Variants in PREX2 observed in about 807,000 individuals in gnomAD.
PREX2 encodes the protein phosphatidylinositol 3,4,5-trisphosphate-dependent Rac exchanger 2 protein.
In PREX2, 107 loss-of-function variants were observed where a neutral mutation model predicts 203.2. That is an observed-to-expected ratio of 0.53 (90% CI 0.45 to 0.62). The LOEUF (loss-of-function observed/expected upper bound fraction) is 0.62. Ranked by LOEUF, PREX2 falls within the 20% of genes least tolerant of loss-of-function variation. The pLI is 0.00. For synonymous variants in PREX2, 672 were observed against 663.6 expected, an observed-to-expected ratio of 1.01 and a Z score of -0.19; for missense variants, 1,777 against 1,955.9, an observed-to-expected ratio of 0.91 and a Z score of 1.72.
intron 37 of PREX2, among the ~76,000 whole-genome samples, chr8:68,200,937 C>A (rs867977640): frequency 2.0e-5 from 3 of 152,056 alleles, no homozygotes; most frequent in Middle Eastern, 3.2e-3. Flanking sequence ...ATCTGCCAAA[C>A]CTAATTTTAC....
At chr8:67,953,142 C>T (rs2129016257) in intron 1 of PREX2, among the ~76,000 whole-genome samples, 1 of 151,704 alleles carries the variant, frequency 6.6e-6, no homozygotes, top group South Asian at 2.1e-4. Flanking sequence ...CCACATGTGG[C>T]GCTCACCCTG....
At chr8:68,172,306 C>T (rs1425035677) in intron 35 of PREX2, among the ~76,000 whole-genome samples, 2 of 152,132 alleles carry the variant, frequency 1.3e-5, no homozygotes, top group Non-Finnish European at 2.9e-5. Flanking sequence ...ATGTTATACT[C>T]AAATGCCAAA....
chr8:68,191,303 T>G (rs1366625099), intron 35 of PREX2, among the ~76,000 whole-genome samples: 2 of 152,210 alleles, frequency 1.3e-5, no homozygotes, highest in African/African-American at 4.8e-5. Flanking sequence ...GATAACGTTC[T>G]TCAATAGTCA....
At chr8:68,170,813 C>T (rs973094788) in intron 35 of PREX2, among the ~76,000 whole-genome samples, 1 of 152,126 alleles carries the variant, frequency 6.6e-6, no homozygotes, top group African/African-American at 2.4e-5. Flanking sequence ...TCATCCCTAT[C>T]AGCCTCATTT....
chr8:68,121,370 T>G (rs909254448), intron 30 of PREX2, among the ~76,000 whole-genome samples: 2 of 151,976 alleles, frequency 1.3e-5, no homozygotes, highest in African/African-American at 4.8e-5. Context: ...TCTGAAGGAT[T>G]TACAAAAAGG....
At position 68,185,903 on chromosome 8, in the gene PREX2, A is replaced by G. The variant is rs563263431; in HGVS notation, c.4347-5819A>G. On this transcript the variant is annotated intron_variant, in intron 35 of 39. Transcript: ENST00000288368. The stretch of plus-strand genomic sequence containing the variant: ...ATTTTCTATACTCAGACAAAGGACC[A>G]TGATGTCATTCTTACTAACCTCAGA... Among the ~76,000 whole-genome samples, 10 of 148,820 alleles carry G rather than the reference A, an allele frequency of 6.7e-5. 2 individuals carry two copies. The highest frequency in any genetic ancestry group is 2.5e-4 in the African/African-American group (10 of 39,832).
chr8:68,036,816 G>C (rs1056235160), intron 6 of PREX2, among the ~76,000 whole-genome samples: 3 of 152,066 alleles, frequency 2.0e-5, no homozygotes, highest in Admixed American at 2.0e-4. Context: ...GTGGTGGCAT[G>C]CCTGTAATCC....
intron 37 of PREX2, among the ~76,000 whole-genome samples, chr8:68,193,185 A>G (rs949095105): frequency 6.6e-6 from 1 of 152,212 alleles, no homozygotes; most frequent in South Asian, 2.1e-4. Context: ...CTTCATAATC[A>G]TATGCTTTCG....
intron 35 of PREX2, among the ~76,000 whole-genome samples, chr8:68,183,244 A>T (rs1340019104): frequency 6.6e-6 from 1 of 152,146 alleles, no homozygotes; most frequent in East Asian, 1.9e-4. Context: ...TGGTGGAAAA[A>T]GATCCAACCC....
intron 16 of PREX2, 47 bp downstream of exon 16, chr8:68,080,632 T>C: frequency 6.6e-7 from 1 of 1,507,198 alleles, no homozygotes; most frequent in Non-Finnish European, 9.1e-7. Context: ...GATTAGACAC[T>C]AGCAGAAGAC....
chr8:68,073,638 T>C (rs1809264276), intron 14 of PREX2, among the ~76,000 whole-genome samples: 1 of 152,220 alleles, frequency 6.6e-6, no homozygotes, highest in African/African-American at 2.4e-5. Context: ...TACCTTTAGA[T>C]AAAACATCAA....
intron 39 of PREX2, among the ~76,000 whole-genome samples, chr8:68,228,344 C>T (rs893009062): frequency 6.6e-6 from 1 of 152,012 alleles, no homozygotes; most frequent in Non-Finnish European, 1.5e-5. Context: ...AAAAATTGGC[C>T]GAGCATGGTG....
chr8:68,230,402 G>A (rs1442625056), intron 39 of PREX2, among the ~76,000 whole-genome samples: 1 of 152,144 alleles, frequency 6.6e-6, no homozygotes, highest in Admixed American at 6.6e-5. Flanking sequence ...CTCTGCAGTG[G>A]GACCAGTGTG....
chr8:68,158,800 C>T lies in PREX2; in HGVS notation c.4346+1364C>T, dbSNP rs530752616. Among the ~76,000 whole-genome samples the T allele has an allele frequency of 1.3e-4, 20 of 152,208 alleles. 1 individual carries two copies. The South Asian group carries it at 3.9e-3, about 30-fold the overall frequency. The stretch of plus-strand genomic sequence containing the variant: ...AAGTTATTTTCTTCTCTCATTTCCC[C>T]CTTTTGATCAAAAATCTTTCTTCTT... On this transcript the variant is annotated intron_variant, in intron 35 of 39. Coordinates refer to ENST00000288368, the MANE Select transcript of PREX2 (RefSeq NM_024870.4).
intron 4 of PREX2, among the ~76,000 whole-genome samples, chr8:68,022,350 G>A (rs1184226791): frequency 2.0e-5 from 3 of 152,084 alleles, no homozygotes; most frequent in Non-Finnish European, 4.4e-5. Flanking sequence ...CCTCGTGGTT[G>A]ATTATGAATT....
intron 14 of PREX2, among the ~76,000 whole-genome samples, chr8:68,073,741 G>C (rs1023925921): frequency 1.3e-5 from 2 of 152,140 alleles, no homozygotes; most frequent in African/African-American, 4.8e-5. Context: ...TTCATTATTG[G>C]AGTTGGACTT....
chr8:68,119,614 C>T, intron 28 of PREX2, 100 bp downstream of exon 28: 1 of 812,810 alleles, frequency 1.2e-6, no homozygotes. Context: ...AACAGAAAGG[C>T]CTCAATCTGT....
intron 2 of PREX2, among the ~76,000 whole-genome samples, chr8:68,019,028 G>A (rs1489655941): frequency 1.3e-5 from 2 of 152,192 alleles, no homozygotes; most frequent in African/African-American, 4.8e-5. Context: ...ACTCCAGACA[G>A]AGGAGAAGGT....
chr8:68,045,427 T>C (rs1398312144), intron 8 of PREX2, among the ~76,000 whole-genome samples: 1 of 152,124 alleles, frequency 6.6e-6, no homozygotes, highest in East Asian at 1.9e-4. Flanking sequence ...ACCTCTCACA[T>C]ACCTTCATTG....
Sources: allele counts gnomAD v4.1 joint callset (sites outside exome capture counted in the v4.1 genomes callset), GRCh38; gene constraint gnomAD v4.1.1; transcripts MANE v1.5; gene names NCBI Gene and HGNC (gene_info 2026-07-23, HGNC 2026-07-21).